The following RGS8 variants were observed in gnomAD, a reference collection of about 807,000 sequenced individuals.
RGS8 encodes the protein regulator of G protein signaling 8.
A neutral mutation model predicts 21.7 loss-of-function variants in RGS8; 8 were observed. That is an observed-to-expected ratio of 0.37 (90% CI 0.22 to 0.66). The LOEUF (loss-of-function observed/expected upper bound fraction) is 0.66, where lower values mean the gene tolerates loss of function less well. Among genes scored for constraint, RGS8 ranks in the 30% least tolerant of loss-of-function variants. The pLI is 0.59. For missense variants in RGS8, 157 were observed against 217.9 expected (o/e 0.72, Z 1.76); for synonymous variants, 80 against 83.6 (o/e 0.96, Z 0.24).
At chr1:182,712,268 C>T in the RGS8 span, among the ~76,000 whole-genome samples, 1 of 152,162 alleles carries the variant, frequency 6.6e-6, no homozygotes, top group Non-Finnish European at 1.5e-5. Context: ...GTGAGTTTTT[C>T]CTGAAGTAAA....
the RGS8 span, among the ~76,000 whole-genome samples, chr1:182,727,971 A>T: frequency 1.6e-4 from 24 of 152,360 alleles, no homozygotes; most frequent in Non-Finnish European, 2.9e-4. Context: ...ATTCCAAGTT[A>T]CATCTAGAAT....
intron 5 of RGS8, among the ~76,000 whole-genome samples, chr1:182,653,381 ATTTTT>A (rs796993544): frequency 6.9e-6 from 1 of 144,096 alleles, no homozygotes; most frequent in Non-Finnish European, 1.5e-5. Context: ...GAGGAAAGAG[ATTTTT>A]TTTTTTTTTT....
the RGS8 span, among the ~76,000 whole-genome samples, chr1:182,728,817 G>C: frequency 2.0e-5 from 3 of 152,146 alleles, no homozygotes; most frequent in Non-Finnish European, 4.4e-5. Flanking sequence ...TTACTATTTA[G>C]AAATAGAAAG....
At chr1:182,679,255 A>T (rs1358853227) in intron 1 of RGS8, among the ~76,000 whole-genome samples, 1 of 151,444 alleles carries the variant, frequency 6.6e-6, no homozygotes, top group Non-Finnish European at 1.5e-5. Context: ...TCCCCTCCTA[A>T]CCCCTTTGCC....
chr1:182,697,944 C>T, the RGS8 span, among the ~76,000 whole-genome samples: 1 of 152,136 alleles, frequency 6.6e-6, no homozygotes, highest in African/African-American at 2.4e-5. Context: ...CCATGAGAAC[C>T]GGTAGGGTTT....
At chr1:182,672,676 C>A, upstream of RGS8, 1 of 929,694 alleles carries the variant, frequency 1.1e-6, no homozygotes, top group Non-Finnish European at 1.7e-6. Flanking sequence ...AGAAACTCAC[C>A]TCTCTCCCTC....
chr1:182,704,780 G>A, the RGS8 span, among the ~76,000 whole-genome samples: 2 of 152,180 alleles, frequency 1.3e-5, no homozygotes, highest in African/African-American at 4.8e-5. Context: ...GCAGGGAGGT[G>A]GCCTTATGCT....
At chr1:182,732,299 A>G in the RGS8 span, among the ~76,000 whole-genome samples, 1 of 151,446 alleles carries the variant, frequency 6.6e-6, no homozygotes, top group Non-Finnish European at 1.5e-5. Context: ...ACACACACAC[A>G]CACCCACTGT....
At chr1:182,727,002 T>C in the RGS8 span, among the ~76,000 whole-genome samples, 8 of 152,170 alleles carry the variant, frequency 5.3e-5, no homozygotes, top group African/African-American at 1.9e-4. Flanking sequence ...CAGTGAGAGA[T>C]GAATAACTTT....
At chr1:182,665,240 G>A (rs1663796705) in intron 5 of RGS8, among the ~76,000 whole-genome samples, 1 of 152,100 alleles carries the variant, frequency 6.6e-6, no homozygotes, top group Non-Finnish European at 1.5e-5. Context: ...GGTATTAAAT[G>A]CCACTAGTTT....
chr1:182,685,631 G>A (rs945398632), upstream of RGS8, among the ~76,000 whole-genome samples: 11 of 152,182 alleles, frequency 7.2e-5, no homozygotes, highest in Non-Finnish European at 7.4e-5. Context: ...ACAGGAGGCA[G>A]AGGGAGGGCA....
At chr1:182,741,321 A>C in the RGS8 span, among the ~76,000 whole-genome samples, 1 of 67,236 alleles carries the variant, frequency 1.5e-5, no homozygotes, top group African/African-American at 6.2e-5. Flanking sequence ...CTGACCCCCC[A>C]CCTCCCTCCC....
At chr1:182,731,132 A>C in the RGS8 span, among the ~76,000 whole-genome samples, 2 of 152,338 alleles carry the variant, frequency 1.3e-5, no homozygotes, top group South Asian at 4.1e-4. Flanking sequence ...TTTATTCCCA[A>C]GCATAGGCAC....
upstream of RGS8, among the ~76,000 whole-genome samples, chr1:182,673,258 T>C (rs1004539159): frequency 3.3e-5 from 5 of 152,216 alleles, no homozygotes; most frequent in African/African-American, 1.2e-4. Context: ...TTTAAATGTA[T>C]AAAGCATTTT....
At chr1:182,653,770 A>G (rs879714037) in intron 5 of RGS8, among the ~76,000 whole-genome samples, 3 of 152,364 alleles carry the variant, frequency 2.0e-5, no homozygotes, top group Admixed American at 2.0e-4. Context: ...AGACCAGTTG[A>G]GCAGCAGGAG....
At chr1:182,733,774 A>C in the RGS8 span, 1 of 152,368 alleles carries the variant, frequency 6.6e-6, no homozygotes, top group South Asian at 2.1e-4. Flanking sequence ...AATTAGGAAT[A>C]GAAACAGGCA....
At chr1:182,671,824 A>G (rs1038836907) in intron 1 of RGS8, 94 bp from the exon 3 acceptor site, 1 of 1,600,064 alleles carries the variant, frequency 6.2e-7, no homozygotes, top group Non-Finnish European at 8.5e-7. Flanking sequence ...ACACACATAT[A>G]CACACACAGG....
intron 4 of RGS8, 141 bp from the exon 6 acceptor site, chr1:182,666,174 C>T (rs1047476846): frequency 5.0e-6 from 3 of 596,344 alleles, no homozygotes; most frequent in African/African-American, 3.7e-5. Context: ...TACCTGGATT[C>T]CTGCAATTCT....
chr1:182,671,537 GCCT>G, intron 2 of RGS8, 117 bp downstream of exon 3: 1 of 810,630 alleles, frequency 1.2e-6, no homozygotes, highest in Non-Finnish European at 2.0e-6. Context: ...AGAAACTAGA[GCCT>G]CCGAGGGAAG....
Sources: gnomAD v4.1 joint callset for allele counts (sites outside exome capture counted in the v4.1 genomes callset) on GRCh38, gnomAD v4.1.1 for gene constraint, MANE v1.5 for transcripts, NCBI Gene and HGNC (gene_info 2026-07-23, HGNC 2026-07-21) for gene names.